CNTNAP4: variants seen among roughly 807,000 people sequenced by gnomAD.
CNTNAP4 encodes contactin associated protein family member 4, also known as contactin-associated protein-like 4.
CNTNAP4 carries 98 observed loss-of-function variants against 148.4 expected under a neutral mutation model. That is an observed-to-expected ratio of 0.66 (90% CI 0.56 to 0.78). CNTNAP4 has a LOEUF of 0.78. Among genes scored for constraint, CNTNAP4 ranks in the 30% least tolerant of loss-of-function variants. CNTNAP4 has a pLI of 0.00. For missense variants in CNTNAP4, 1,935 were observed against 1,565.6 expected (o/e 1.24, Z -3.98); for synonymous variants, 730 against 565.1 (o/e 1.29, Z -4.14).
At chr16:76,416,095 A>G (rs1176879967) in intron 3 of CNTNAP4, among the ~76,000 whole-genome samples, 3 of 151,128 alleles carry the variant, frequency 2.0e-5, no homozygotes, top group East Asian at 1.9e-4. Flanking sequence ...CATGGGCTCA[A>G]TATTGGTGAC....
chr16:76,458,914 C>A (rs2080834869), intron 8 of CNTNAP4, among the ~76,000 whole-genome samples: 1 of 152,112 alleles, frequency 6.6e-6, no homozygotes, highest in Non-Finnish European at 1.5e-5. Flanking sequence ...TCCACAGAAG[C>A]TGAACTAATT....
Position 76,310,012 on chromosome 16 carries a change from G to C in CNTNAP4, c.86-6401G>C, listed in dbSNP as rs779023054. 91 of 631,476 alleles carry C rather than the reference G, an allele frequency of 1.4e-4. 1 individual carries two copies. The highest frequency in any genetic ancestry group is 2.1e-4 in the Non-Finnish European group (72 of 348,560). The allele number at this position is 631,476 out of a possible 1,614,324, so 39.1% of individuals were successfully genotyped here. A position where few individuals can be genotyped will look rare whatever the true frequency, so the allele number is the denominator to read the frequency against. On this transcript the variant is annotated intron_variant, in intron 1 of 23. Coordinates refer to ENST00000611870, the MANE Select transcript of CNTNAP4 (RefSeq NM_033401.5). The stretch of plus-strand genomic sequence containing the variant: ...CCAGTTGCTACAGGAGTTATTATTT[G>C]GCTTCTTGCACTGGTTGCTTCAGAC...
At chr16:76,439,279 A>T (rs1180546881) in intron 4 of CNTNAP4, among the ~76,000 whole-genome samples, 1 of 152,220 alleles carries the variant, frequency 6.6e-6, no homozygotes, top group African/African-American at 2.4e-5. Context: ...TTACATTCAT[A>T]CAGCAGTAGT....
Position 76,503,464 on chromosome 16 carries a change from T to C in CNTNAP4, c.2365+4770T>C, listed in dbSNP as rs533026097. Among the ~76,000 whole-genome samples the C allele has an allele frequency of 3.6e-3, 541 of 152,290 alleles. 2 individuals are homozygous for C. Among genetic ancestry groups the C allele is most frequent in the African/African-American group, 0.012 (518 of 41,558 alleles). On this transcript the variant is annotated intron_variant, in intron 15 of 23. Transcript: ENST00000611870. Reference sequence around the variant, plus strand: ...ACTTTCTAGGTAGAAAATCTCAAATTATATTTTTAAAAAGTGAGTTTAGCA... The same window carrying C: ...ACTTTCTAGGTAGAAAATCTCAAATCATATTTTTAAAAAGTGAGTTTAGCA...
chr16:76,374,346 C>A (rs1418332322), intron 3 of CNTNAP4, among the ~76,000 whole-genome samples: 1 of 152,120 alleles, frequency 6.6e-6, no homozygotes. Context: ...AGAAAATTAT[C>A]CCAAGAGCTA....
intron 7 of CNTNAP4, among the ~76,000 whole-genome samples, chr16:76,451,099 G>C (rs1048467066): frequency 3.9e-5 from 6 of 152,100 alleles, no homozygotes; most frequent in Non-Finnish European, 7.3e-5. Context: ...CGGTCGGTTG[G>C]GCCAGCTGTC....
chr16:76,335,035 C>T (rs1354723517), intron 2 of CNTNAP4, among the ~76,000 whole-genome samples: 1 of 152,054 alleles, frequency 6.6e-6, no homozygotes, highest in African/African-American at 2.4e-5. Flanking sequence ...ACTCGATAGA[C>T]ACCAGAAGCT....
chr16:76,553,808 T>G (rs1374949282), intron 22 of CNTNAP4, 28 bp from the exon 23 acceptor site: 2 of 1,494,236 alleles, frequency 1.3e-6, no homozygotes, highest in Admixed American at 1.7e-5. Context: ...CTATATCACC[T>G]TCCCCCTTTG....
rs757204409 is a variant in CNTNAP4, at chr16:76,309,931, C to G, written c.86-6482C>G. ...TGTGAGTCCGGTTAAGTCTCTTTTTCTTCCCCGTCTCGGGTATGTCTTTAT... is the reference window on the plus strand; with the variant it reads ...TGTGAGTCCGGTTAAGTCTCTTTTTGTTCCCCGTCTCGGGTATGTCTTTAT... On this transcript the variant is annotated intron_variant, in intron 1 of 23. Transcript: ENST00000611870. 6 of 701,442 alleles carry G rather than the reference C, an allele frequency of 8.6e-6. No homozygotes were observed. In the South Asian group the frequency reaches 8.9e-5, roughly 10 times the overall value. The allele number at this position is 701,442 out of a possible 1,614,324, so 43.5% of individuals were successfully genotyped here.
At chr16:76,403,008 T>C (rs1299270436) in intron 3 of CNTNAP4, among the ~76,000 whole-genome samples, 1 of 152,192 alleles carries the variant, frequency 6.6e-6, no homozygotes, top group African/African-American at 2.4e-5. Context: ...TAACAACATA[T>C]ATTCTGTAGT....
rs2080391324 is a variant in CNTNAP4, at chr16:76,449,837, A to G, written c.1050A>G (p.Gln350=). 1 of 1,608,758 alleles carries G rather than the reference A, an allele frequency of 6.2e-7. No individual in the cohort carries two copies. Among genetic ancestry groups the G allele is most frequent in the Admixed American group, 1.7e-5 (1 of 59,256 alleles). Residue 350 remains glutamine (Q), a synonymous_variant, in exon 7 of 24, where the codon CAA becomes CAG. Transcript: ENST00000611870. ...ATATCATTGATTTGGCCAAGCAGCA[A>G]AAACCACAGATCATTGCTATGGTGA... The part of the protein sequence containing the change: ...GVDIIDLAKQ[Q]KPQIIAMGNV...
chr16:76,376,954 T>C (rs1017336948), intron 3 of CNTNAP4, among the ~76,000 whole-genome samples: 3 of 146,144 alleles, frequency 2.1e-5, no homozygotes, highest in Non-Finnish European at 3.0e-5. Context: ...TGTGTGTGTG[T>C]ACACATATAC....
chr16:76,498,722 T>A, intron 15 of CNTNAP4, 28 bp downstream of exon 15: 1 of 1,557,794 alleles, frequency 6.4e-7, no homozygotes, highest in Non-Finnish European at 8.7e-7. Flanking sequence ...GTTGAAACCG[T>A]ATTTGAGAAA....
At position 76,538,270 on chromosome 16, in the gene CNTNAP4, A is replaced by C; in HGVS notation, c.3150A>C (p.Arg1050=). The C allele has an allele frequency of 1.2e-6, 2 of 1,610,896 alleles. No individual in the cohort carries two copies. Among genetic ancestry groups the C allele is most frequent in the Non-Finnish European group, 1.7e-6 (2 of 1,178,776 alleles). The change falls in exon 19 of 24, where the codon CGA becomes CGC. Residue 1050 remains arginine, a synonymous_variant. Transcript: ENST00000611870. ...EMIKFSFRTT[R]TPSLLLFVSS... ...TCAAATTTAGTTTCCGAACAACACG[A>C]ACACCAAGCTTGCTGCTTTTTGTGA... is the stretch of plus-strand genomic sequence containing the variant.
At chr16:76,492,636 G>T (rs1321153351) in intron 13 of CNTNAP4, among the ~76,000 whole-genome samples, 1 of 152,094 alleles carries the variant, frequency 6.6e-6, no homozygotes, top group Non-Finnish European at 1.5e-5. Flanking sequence ...GAATCATGGG[G>T]GCAGTTTCCT....
intron 17 of CNTNAP4, among the ~76,000 whole-genome samples, chr16:76,532,810 G>A (rs187568957): frequency 2.0e-5 from 3 of 152,246 alleles, no homozygotes; most frequent in East Asian, 1.9e-4. Context: ...GGAGCTCACT[G>A]AGTTGAGTCA....
intron 17 of CNTNAP4, among the ~76,000 whole-genome samples, chr16:76,526,133 C>G (rs1429812474): frequency 6.6e-6 from 1 of 152,038 alleles, no homozygotes; most frequent in Non-Finnish European, 1.5e-5. Flanking sequence ...GGAGTCCTCT[C>G]TAGCGACATT....
intron 1 of CNTNAP4, among the ~76,000 whole-genome samples, chr16:76,299,860 C>G (rs1198167554): frequency 2.0e-5 from 3 of 152,190 alleles, no homozygotes; most frequent in Non-Finnish European, 1.5e-5. Flanking sequence ...ATGGATGAAG[C>G]TGGAAACCAT....
intron 3 of CNTNAP4, among the ~76,000 whole-genome samples, chr16:76,401,728 T>A (rs948206050): frequency 6.6e-6 from 1 of 152,158 alleles, no homozygotes; most frequent in Non-Finnish European, 1.5e-5. Flanking sequence ...AATACCTAGT[T>A]TATTGAGGAT....
Sources: allele counts gnomAD v4.1 joint callset (sites outside exome capture counted in the v4.1 genomes callset), GRCh38; gene constraint gnomAD v4.1.1; transcripts MANE v1.5; gene names NCBI Gene and HGNC (gene_info 2026-07-23, HGNC 2026-07-21).